Variants in KMO observed in about 807,000 individuals in gnomAD.
The protein encoded by KMO is kynurenine 3-monooxygenase.
A neutral mutation model predicts 57.8 loss-of-function variants in KMO; 24 were observed. That is an observed-to-expected ratio of 0.42 (90% CI 0.30 to 0.58). The LOEUF (loss-of-function observed/expected upper bound fraction) is 0.58, where lower values mean the gene tolerates loss of function less well. Among genes scored for constraint, KMO ranks in the 20% least tolerant of loss-of-function variants. The probability of loss-of-function intolerance (pLI) is 0.22; values close to 1 mark genes in which losing one functional copy is unlikely to be tolerated. For synonymous variants in KMO, 210 were observed against 193.6 expected (o/e 1.08, Z -0.70); for missense variants, 483 against 588.2 (o/e 0.82, Z 1.85).
rs1663448941 is a variant in KMO at position 241,594,781 on chromosome 1, A to C, written c.*2628A>C. 3.4e-6 allele frequency: 5 copies of C among 1,490,120 alleles called. No homozygotes were observed. Among genetic ancestry groups the C allele is most frequent in the Non-Finnish European group, 1.8e-6 (2 of 1,101,864 alleles). The allele number at this position is 1,490,120 out of a possible 1,614,324, so 92.3% of individuals were successfully genotyped here. A position where few individuals can be genotyped will look rare whatever the true frequency, so the allele number is the denominator to read the frequency against. ...CGAGGAAATCAGTTGAGCTGAATTT[A>C]AGTTGTTTTTTGTTTGTTAGCAGGT... On this transcript the variant is annotated 3_prime_UTR_variant, in exon 15 of 15. Coordinates refer to ENST00000366559, the MANE Select transcript of KMO (RefSeq NM_003679.5).
intron 10 of KMO, among the ~76,000 whole-genome samples, chr1:241,584,526 G>T (rs972811059): frequency 1.3e-5 from 2 of 152,148 alleles, no homozygotes; most frequent in Non-Finnish European, 2.9e-5. Flanking sequence ...AAAACTATGA[G>T]CTGATTAGAT....
intron 11 of KMO, among the ~76,000 whole-genome samples, chr1:241,587,244 C>T (rs970940366): frequency 9.9e-5 from 15 of 152,194 alleles, no homozygotes; most frequent in African/African-American, 3.6e-4. Context: ...GTGCAGTTCA[C>T]AATAGGGTTC....
chr1:241,573,699 C>T (rs1662394635), intron 10 of KMO, among the ~76,000 whole-genome samples: 1 of 152,050 alleles, frequency 6.6e-6, no homozygotes. Flanking sequence ...AATTTAAGGT[C>T]CAGTAATGTG....
intron 14 of KMO, 58 bp from the exon 15 acceptor site, chr1:241,591,895 T>C (rs1663315459): frequency 1.0e-5 from 14 of 1,403,710 alleles, no homozygotes; most frequent in Non-Finnish European, 1.4e-5. Flanking sequence ...AAAAATGAAG[T>C]CTATTTTCAG....
rs190623796 is a variant in KMO, at chr1:241,560,589, A to G, written c.362-76A>G. 106 of 1,047,450 alleles carry G rather than the reference A, an allele frequency of 1.0e-4. 3 individuals are homozygous for G. The East Asian group carries it at 2.3e-3, about 22-fold the overall frequency. The allele number at this position is 1,047,450 out of a possible 1,614,324, so 64.9% of individuals were successfully genotyped here. On this transcript the variant is annotated intron_variant, in intron 5 of 14. Transcript: ENST00000366559. ...TCTACCATACTGTTCCCAGAAAACA[A>G]TTACTATTTCAATTTGATTAAGTGA...
chr1:241,546,456 TG>T (rs779432770), intron 1 of KMO, among the ~76,000 whole-genome samples: 3 of 152,140 alleles, frequency 2.0e-5, no homozygotes, highest in Non-Finnish European at 4.4e-5. Context: ...GAAAATAAAT[TG>T]GAAAGAGGCA....
chr1:241,577,721 A>G (rs1325121072), intron 10 of KMO, among the ~76,000 whole-genome samples: 1 of 152,164 alleles, frequency 6.6e-6, no homozygotes, highest in Admixed American at 6.5e-5. Context: ...TGAATAGCTC[A>G]GGTTTCAGGC....
intron 10 of KMO, among the ~76,000 whole-genome samples, chr1:241,570,662 A>G (rs1334785414): frequency 1.3e-5 from 2 of 152,124 alleles, no homozygotes; most frequent in Non-Finnish European, 2.9e-5. Flanking sequence ...CTATGCCCGT[A>G]CCATGATGTT....
At position 241,594,383 on chromosome 1, in the gene KMO, T is replaced by A. The variant is rs758675307; in HGVS notation, c.*2230T>A. ...ACTTCTTATGATGAAAGTCCAAAAG[T>A]GGCATCCAATTTAAGGCCCCATCTT... On this transcript the variant is annotated 3_prime_UTR_variant, in exon 15 of 15. Coordinates refer to ENST00000366559, the MANE Select transcript of KMO (RefSeq NM_003679.5). The A allele has an allele frequency of 6.3e-7, 1 of 1,582,488 alleles. No individual in the cohort carries two copies. The highest frequency in any genetic ancestry group is 1.3e-5 in the African/African-American group (1 of 74,412).
intron 4 of KMO, among the ~76,000 whole-genome samples, chr1:241,554,983 A>G (rs77886512): frequency 6.8e-6 from 1 of 147,240 alleles, no homozygotes; most frequent in African/African-American, 2.5e-5. Flanking sequence ...CTCTGTTTCA[A>G]AAAAAAAAAA....
At chr1:241,534,321 A>G (rs1660680685) in intron 1 of KMO, among the ~76,000 whole-genome samples, 1 of 152,190 alleles carries the variant, frequency 6.6e-6, no homozygotes, top group South Asian at 2.1e-4. Flanking sequence ...GGGAGAGATA[A>G]CAAATATGTG....
At chr1:241,586,191 C>CTTTTTTTTTT (rs386370217) in intron 10 of KMO, among the ~76,000 whole-genome samples, 3 of 80,058 alleles carry the variant, frequency 3.7e-5, no homozygotes, top group Non-Finnish European at 6.8e-5. Context: ...AGTCTATGGT[C>CTTTTTTTTTT]TTTTTTTTTT....
chr1:241,572,674 T>C (rs1662346472), intron 10 of KMO, among the ~76,000 whole-genome samples: 1 of 152,104 alleles, frequency 6.6e-6, no homozygotes, highest in South Asian at 2.1e-4. Context: ...GCTTTTGGGG[T>C]ACAAGTGTTT....
chr1:241,540,088 C>A (rs565974895), intron 1 of KMO, among the ~76,000 whole-genome samples: 1 of 152,128 alleles, frequency 6.6e-6, no homozygotes, highest in East Asian at 1.9e-4. Context: ...AATATACAAC[C>A]TGTTACCATT....
At chr1:241,580,920 C>T (rs1030111164) in intron 10 of KMO, among the ~76,000 whole-genome samples, 6 of 151,218 alleles carry the variant, frequency 4.0e-5, no homozygotes, top group East Asian at 1.9e-4. Context: ...AAAGGTGAAA[C>T]TGGGGTGTTA....
intron 1 of KMO, among the ~76,000 whole-genome samples, chr1:241,546,841 T>C (rs530248341): frequency 2.6e-5 from 4 of 152,234 alleles, no homozygotes; most frequent in South Asian, 2.1e-4. Flanking sequence ...ATAGGAAATA[T>C]ACATTTTCAC....
intron 10 of KMO, among the ~76,000 whole-genome samples, chr1:241,569,128 G>T (rs1234294516): frequency 1.3e-5 from 2 of 151,726 alleles, no homozygotes; most frequent in Non-Finnish European, 2.9e-5. Flanking sequence ...GGTAATTAGG[G>T]TATCTGTCAC....
At chr1:241,569,859 G>A (rs1662213889) in intron 10 of KMO, among the ~76,000 whole-genome samples, 1 of 152,052 alleles carries the variant, frequency 6.6e-6, no homozygotes, top group South Asian at 2.1e-4. Flanking sequence ...ACTGAAGTGA[G>A]ATAATATCAT....
intron 5 of KMO, among the ~76,000 whole-genome samples, chr1:241,556,239 T>C (rs147017197): frequency 6.6e-4 from 100 of 152,348 alleles, no homozygotes; most frequent in African/African-American, 2.1e-3. Context: ...GCTCAAGCTA[T>C]CTTCCCACCT....
Sources: allele counts gnomAD v4.1 joint callset (sites outside exome capture counted in the v4.1 genomes callset), GRCh38; gene constraint gnomAD v4.1.1; transcripts MANE v1.5; gene names NCBI Gene and HGNC (gene_info 2026-07-23, HGNC 2026-07-21).